Variants in MYH10 observed in about 807,000 individuals in gnomAD.
The protein encoded by MYH10 is myosin heavy chain 10.
In MYH10, 55 loss-of-function variants were observed where a neutral mutation model predicts 257.8. The observed-to-expected ratio is 0.21, with a 90% confidence interval of 0.17 to 0.27. The LOEUF is 0.27. Among genes scored for constraint, MYH10 ranks in the 10% least tolerant of loss-of-function variants. MYH10 has a pLI of 1.00. For synonymous variants in MYH10, 854 were observed against 921.7 expected, an observed-to-expected ratio of 0.93 and a Z score of 1.33; for missense variants, 1,631 against 2,500.6, an observed-to-expected ratio of 0.65 and a Z score of 7.42.
At chr17:8,601,158 G>A (rs777475393) in intron 3 of MYH10, among the ~76,000 whole-genome samples, 1 of 152,176 alleles carries the variant, frequency 6.6e-6, no homozygotes, top group Non-Finnish European at 1.5e-5. Flanking sequence ...AGGTCAACCG[G>A]GGTTGGTAGC....
chr17:8,577,888 A>T (rs2083558563), intron 4 of MYH10, among the ~76,000 whole-genome samples: 2 of 151,586 alleles, frequency 1.3e-5, no homozygotes, highest in Non-Finnish European at 2.9e-5. Flanking sequence ...TGTTCACGAC[A>T]CTCTTTTTTC....
intron 14 of MYH10, among the ~76,000 whole-genome samples, chr17:8,540,594 G>A (rs772464594): frequency 6.6e-6 from 1 of 151,950 alleles, no homozygotes; most frequent in African/African-American, 2.4e-5. Flanking sequence ...GAAGACTTTC[G>A]GCACAATTAT....
chr17:8,612,622 G>A lies in MYH10; in HGVS notation c.346-7640C>T, dbSNP rs191065690. 2.5e-3 allele frequency among the ~76,000 whole-genome samples: 381 copies of A among 152,248 alleles called. 4 individuals carry two copies. Among genetic ancestry groups the A allele is most frequent in the African/African-American group, 8.7e-3 (362 of 41,562 alleles). On this transcript the variant is annotated intron_variant, in intron 2 of 42. Coordinates refer to ENST00000360416, the MANE Select transcript of MYH10 (RefSeq NM_001256012.3). Reference sequence around the variant, plus strand: ...TCGCAGCACTTTGGGAGGCCAAGGAGGGGGCAGATCACGAGGTCAGGAGTT... The same window carrying A: ...TCGCAGCACTTTGGGAGGCCAAGGAAGGGGCAGATCACGAGGTCAGGAGTT...
intron 1 of MYH10, among the ~76,000 whole-genome samples, chr17:8,630,305 G>T (rs979116574): frequency 7.3e-6 from 1 of 137,334 alleles, no homozygotes; most frequent in East Asian, 2.1e-4. Flanking sequence ...CCCACCCCCA[G>T]ATCTCCATCC....
Position 8,477,325 on chromosome 17 carries a change from C to T in MYH10, c.5707-277G>A, listed in dbSNP as rs529209519. 4.6e-5 allele frequency among the ~76,000 whole-genome samples: 7 copies of T among 152,206 alleles called. No individual in the cohort carries two copies. The East Asian group carries it at 5.8e-4, about 13-fold the overall frequency. On this transcript the variant is annotated intron_variant, in intron 41 of 42. Transcript: ENST00000360416. The surrounding 1 kb of genome is among the most constrained non-coding windows in gnomAD (Gnocchi z 4.2). ...TGAGTTTTCTGCAGAAAAATGACAG[C>T]GTTTACTGTCTTCACACACGTGACC...
intron 21 of MYH10, among the ~76,000 whole-genome samples, chr17:8,516,072 T>C (rs770075339): frequency 5.3e-5 from 8 of 152,164 alleles, no homozygotes; most frequent in Non-Finnish European, 1.2e-4. Flanking sequence ...GGGCACTTTG[T>C]TTAGTGGAAT....
At chr17:8,491,195 G>A (rs1259560846) in intron 34 of MYH10, among the ~76,000 whole-genome samples, 1 of 152,150 alleles carries the variant, frequency 6.6e-6, no homozygotes, top group East Asian at 1.9e-4. Context: ...CAGGACCACT[G>A]CAGTTCTCAC....
intron 14 of MYH10, among the ~76,000 whole-genome samples, chr17:8,539,764 T>G (rs2082243646): frequency 6.6e-6 from 1 of 151,864 alleles, no homozygotes; most frequent in Non-Finnish European, 1.5e-5. Context: ...ATTTTAAAAC[T>G]TTCTTGTAGA....
intron 14 of MYH10, among the ~76,000 whole-genome samples, chr17:8,537,879 T>C (rs1041551563): frequency 6.6e-6 from 1 of 152,208 alleles, no homozygotes; most frequent in Non-Finnish European, 1.5e-5. Context: ...TTCCAAGAGC[T>C]GTAAGCTTAG....
intron 6 of MYH10, chr17:8,573,979 TA>T: frequency 4.8e-6 from 1 of 209,718 alleles, no homozygotes; most frequent in Non-Finnish European, 8.3e-6. Context: ...GCAGTCTCTT[TA>T]AAAATGTTTA....
chr17:8,603,588 C>T (rs1289314839), intron 3 of MYH10, among the ~76,000 whole-genome samples: 1 of 152,088 alleles, frequency 6.6e-6, no homozygotes. Context: ...TCTTCTGTTT[C>T]TTCTCCCACA....
chr17:8,576,549 G>A, intron 6 of MYH10, 94 bp downstream of exon 6: 1 of 1,228,598 alleles, frequency 8.1e-7, no homozygotes, highest in Non-Finnish European at 1.2e-6. Flanking sequence ...ATTTCACTTA[G>A]AACTAGTGGC....
rs576174429 is a variant in MYH10, at chr17:8,512,660, G to A, written c.2746-3C>T. ...AGGATATTCTTCTCTTCTAAAAGCT[G>A]CAATCACAATAAAGTGTCTGTGATT... On this transcript the variant is annotated splice_region_variant and splice_polypyrimidine_tract_variant and intron_variant, in intron 23 of 42. Transcript: ENST00000360416. 6.2e-7 allele frequency: 1 copy of A among 1,609,678 alleles called. No individual in the cohort carries two copies. The highest frequency in any genetic ancestry group is 1.1e-5 in the South Asian group (1 of 90,594).
intron 38 of MYH10, 132 bp from the exon 39 acceptor site, chr17:8,480,657 C>T (rs547634775): frequency 4.4e-5 from 54 of 1,217,596 alleles, no homozygotes; most frequent in Non-Finnish European, 6.2e-5. Flanking sequence ...TTCCCCTGCA[C>T]TCATCCCCAA....
chr17:8,560,802 GT>G, intron 7 of MYH10: 1 of 593,988 alleles, frequency 1.7e-6, no homozygotes, highest in Non-Finnish European at 3.2e-6. Flanking sequence ...ATGGTTCCCA[GT>G]TTTTCACCTG....
chr17:8,492,492 C>T lies in MYH10; in HGVS notation c.4476G>A (p.Lys1492=). The stretch of plus-strand genomic sequence containing the variant: ...CTTCGGCATAGCGAGCAGAGATGCT[C>T]TTCTCTTCTGCTAACAGCTGTGCAG... ...KKFDQLLAEE[K]SISARYAEER... is the part of the protein sequence containing the mutation. The change falls in exon 34 of 43, where the codon AAG becomes AAA. Residue 1492 remains lysine (K), a synonymous_variant. Transcript: ENST00000360416. 1 of 1,611,826 alleles carries T rather than the reference C, an allele frequency of 6.2e-7. No homozygotes were observed. Among genetic ancestry groups the T allele is most frequent in the Non-Finnish European group, 8.5e-7 (1 of 1,179,770 alleles).
intron 4 of MYH10, among the ~76,000 whole-genome samples, chr17:8,577,723 G>C (rs891625546): frequency 3.3e-5 from 5 of 152,072 alleles, no homozygotes; most frequent in Non-Finnish European, 7.4e-5. Context: ...GTAGAGATGG[G>C]GTTTCACCAT....
At chr17:8,494,400 G>GT (rs1327613888) in intron 31 of MYH10, among the ~76,000 whole-genome samples, 7 of 152,212 alleles carry the variant, frequency 4.6e-5, no homozygotes, top group African/African-American at 1.7e-4. Context: ...GGCATTGGTT[G>GT]TGTGGAGCAG....
chr17:8,497,495 T>C (rs1916813891), intron 30 of MYH10, among the ~76,000 whole-genome samples: 1 of 151,988 alleles, frequency 6.6e-6, no homozygotes, highest in African/African-American at 2.4e-5. Context: ...ATCCCAGCAC[T>C]TTGGGAGGCT....
Sources: allele counts gnomAD v4.1 joint callset (sites outside exome capture counted in the v4.1 genomes callset), GRCh38; gene constraint gnomAD v4.1.1; non-coding constraint Gnocchi (gnomAD v3.1); transcripts MANE v1.5; gene names NCBI Gene and HGNC (gene_info 2026-07-23, HGNC 2026-07-21).